The following ATP11C variants were observed in gnomAD, a reference collection of about 807,000 sequenced individuals.
ATP11C encodes phospholipid-transporting ATPase IG.
ATP11C carries 36 observed loss-of-function variants against 97.4 expected under a neutral mutation model. The ratio of observed to expected loss-of-function variants is 0.37; its 90% CI spans 0.28 to 0.49. The LOEUF (loss-of-function observed/expected upper bound fraction) is 0.49, where lower values mean the gene tolerates loss of function less well. Ranked by LOEUF, ATP11C falls within the 20% of genes least tolerant of loss-of-function variation. The pLI, the probability that ATP11C is intolerant of heterozygous loss-of-function variation, is 0.98. For missense variants in ATP11C, 730 were observed against 824.6 expected, an observed-to-expected ratio of 0.89 and a Z score of 1.40; for synonymous variants, 275 against 290.9, an observed-to-expected ratio of 0.95 and a Z score of 0.56.
Position 139,785,103 on chromosome X carries a change from C to T in ATP11C, c.1666+123G>A, listed in dbSNP as rs183532746. The T allele has an allele frequency of 1.2e-3, 595 of 487,728 alleles. 2 individuals are homozygous for T. The highest frequency in any genetic ancestry group is 1.9e-3 in the Non-Finnish European group (556 of 290,951). 40.2% of individuals were successfully genotyped at this position (487,728 alleles called of 1,213,427 possible). ...ATGAAAGCATATGCAAAAGCTACTG[C>T]TTTGCATGACTTTCACTAATCCTAC... On this transcript the variant is annotated intron_variant, in intron 16 of 29. Transcript: ENST00000682941.
chrX:139,787,242 T>C lies in ATP11C; in HGVS notation c.1523A>G (p.Tyr508Cys), dbSNP rs910569070. ...EIALVKGAKR[Y>C]GFTFLGNRNG... Reference sequence around the variant, plus strand: ...TCGATTTCCTAAAAATGTGAACCCGTACCTATCAAAAACAATAAAAAAGAC... The same window carrying C: ...TCGATTTCCTAAAAATGTGAACCCGCACCTATCAAAAACAATAAAAAAGAC... Residue 508 changes from tyrosine (Y) to cysteine (C), a missense_variant and splice_region_variant, in exon 15 of 30, where the codon TAC becomes TGC. Physicochemically the swap from Tyr to Cys is radical, Grantham distance 194. Coordinates refer to ENST00000682941, the MANE Select transcript of ATP11C (RefSeq NM_001353812.2). 1.7e-6 allele frequency: 2 copies of C among 1,162,433 alleles called. No homozygotes were observed. Among genetic ancestry groups the C allele is most frequent in the Non-Finnish European group, 2.3e-6 (2 of 859,937 alleles).
In ATP11C at chrX:139,755,673, A is replaced by G. The variant is rs1333335384; in HGVS notation, c.2700+2135T>C. 7.2e-5 allele frequency among the ~76,000 whole-genome samples: 8 copies of G among 111,610 alleles called. No homozygotes were observed. In the Admixed American group the frequency reaches 7.6e-4, roughly 11 times the overall value. ...ATAGAGAGCCCGGAAAAAAGGCCAC[A>G]TATCTATGACCATGTGATCTTCAAC... On this transcript the variant is annotated intron_variant, in intron 23 of 29. Transcript: ENST00000682941.
intron 1 of ATP11C, among the ~76,000 whole-genome samples, chrX:139,887,837 A>T (rs2084667869): frequency 9.3e-6 from 1 of 107,746 alleles, no homozygotes; most frequent in Non-Finnish European, 1.9e-5. Context: ...TAGGCATGGT[A>T]GCATGCACCT....
Position 139,855,777 on chromosome X carries a change from T to C in ATP11C, c.28-28954A>G, listed in dbSNP as rs750567741. Among the ~76,000 whole-genome samples, 151 of 111,456 alleles carry C rather than the reference T, an allele frequency of 1.4e-3. 1 individual carries two copies. Among genetic ancestry groups the C allele is most frequent in the African/African-American group, 4.1e-3 (125 of 30,671 alleles). ...TCTCTACTTCAGAAAAGTACCTCTG[T>C]CCCTCCTGACTCTCCTCAGACTGGA... On this transcript the variant is annotated intron_variant, in intron 1 of 29. Transcript: ENST00000682941.
At chrX:139,778,555 G>A (rs1024375331) in intron 18 of ATP11C, among the ~76,000 whole-genome samples, 4 of 111,991 alleles carry the variant, frequency 3.6e-5, no homozygotes, top group African/African-American at 6.5e-5. Context: ...TAGACAGGGC[G>A]TGGTGGCTCA....
intron 5 of ATP11C, among the ~76,000 whole-genome samples, chrX:139,814,049 ACT>A (rs1419492334): frequency 9.0e-6 from 1 of 110,758 alleles, no homozygotes; most frequent in Non-Finnish European, 1.9e-5. Context: ...GTTTATGGGT[ACT>A]CTCTATATTT....
intron 1 of ATP11C, among the ~76,000 whole-genome samples, chrX:139,859,710 T>C (rs1422819344): frequency 2.7e-5 from 3 of 112,285 alleles, no homozygotes; most frequent in African/African-American, 9.7e-5. Context: ...TTTTGCATAA[T>C]GCATTTGTGT....
At chrX:139,744,499 T>TCA (rs748702087) in intron 25 of ATP11C, among the ~76,000 whole-genome samples, 2 of 112,099 alleles carry the variant, frequency 1.8e-5, no homozygotes, top group African/African-American at 6.5e-5. Context: ...AGCAAATGAA[T>TCA]CACATCGACT....
intron 1 of ATP11C, among the ~76,000 whole-genome samples, chrX:139,838,724 G>A (rs184258024): frequency 2.7e-5 from 3 of 112,327 alleles, no homozygotes; most frequent in South Asian, 3.7e-4. Context: ...CAAGGTGGGC[G>A]GATCACCTGA....
chrX:139,769,163 C>T (rs1179945024), intron 19 of ATP11C, among the ~76,000 whole-genome samples: 3 of 102,330 alleles, frequency 2.9e-5, no homozygotes, highest in African/African-American at 7.1e-5. Flanking sequence ...GTATAAGAAA[C>T]GTATGGTATC....
At chrX:139,768,038 T>C (rs772430291) in intron 20 of ATP11C, among the ~76,000 whole-genome samples, 293 of 111,256 alleles carry the variant, frequency 2.6e-3, no homozygotes, top group Non-Finnish European at 4.7e-3. Flanking sequence ...GGTGAGGAAC[T>C]GGGACAGCCA....
chrX:139,796,843 G>A (rs2082808265), intron 11 of ATP11C, among the ~76,000 whole-genome samples: 1 of 111,446 alleles, frequency 9.0e-6, no homozygotes, highest in Non-Finnish European at 1.9e-5. Flanking sequence ...AAATGTCAAA[G>A]CATCTTGCCA....
intron 1 of ATP11C, among the ~76,000 whole-genome samples, chrX:139,914,553 T>C (rs761811522): frequency 8.9e-6 from 1 of 112,450 alleles, no homozygotes; most frequent in East Asian, 2.8e-4. Flanking sequence ...AAGGTGTTTC[T>C]GGATGAGATT....
At chrX:139,857,771 TA>T (rs2084116396) in intron 1 of ATP11C, among the ~76,000 whole-genome samples, 1 of 108,376 alleles carries the variant, frequency 9.2e-6, no homozygotes, top group African/African-American at 3.5e-5. Context: ...TGCTGAGAAT[TA>T]AAAAGAAAAT....
chrX:139,916,024 T>C (rs781604359), intron 1 of ATP11C, among the ~76,000 whole-genome samples: 1 of 110,621 alleles, frequency 9.0e-6, no homozygotes, highest in Non-Finnish European at 1.9e-5. Context: ...AGGTCAGGAG[T>C]TCGAGACCAG....
At chrX:139,856,778 A>G (rs1456171606) in intron 1 of ATP11C, among the ~76,000 whole-genome samples, 2 of 109,135 alleles carry the variant, frequency 1.8e-5, no homozygotes, top group African/African-American at 7.2e-5. Flanking sequence ...TACAACCAAC[A>G]GTGATTTATT....
chrX:139,753,494 C>T (rs1463011096), intron 23 of ATP11C, among the ~76,000 whole-genome samples: 1 of 111,689 alleles, frequency 9.0e-6, no homozygotes, highest in Admixed American at 9.5e-5. Context: ...AAATTTATAG[C>T]ACTAAACACC....
intron 1 of ATP11C, among the ~76,000 whole-genome samples, chrX:139,848,943 T>C (rs2083949797): frequency 8.9e-6 from 1 of 111,999 alleles, no homozygotes; most frequent in South Asian, 3.7e-4. Context: ...TTAATGTCAT[T>C]ACAAATTCTT....
intron 19 of ATP11C, among the ~76,000 whole-genome samples, chrX:139,768,801 C>T (rs1259839149): frequency 9.2e-6 from 1 of 108,900 alleles, no homozygotes; most frequent in Non-Finnish European, 1.9e-5. Context: ...TCCTAGATAA[C>T]TAAAGTGGGC....
Sources: allele counts gnomAD v4.1 joint callset (sites outside exome capture counted in the v4.1 genomes callset), GRCh38; gene constraint gnomAD v4.1.1; transcripts MANE v1.5; gene names NCBI Gene and HGNC (gene_info 2026-07-23, HGNC 2026-07-21).